TMEM266: variants seen among roughly 807,000 people sequenced by gnomAD.
The protein encoded by TMEM266 is Hv1 related protein 1.
Under a neutral mutation model 50.5 loss-of-function variants are expected in TMEM266, and 33 were observed. The ratio of observed to expected loss-of-function variants is 0.65; its 90% CI spans 0.50 to 0.87. The LOEUF (loss-of-function observed/expected upper bound fraction) is 0.87, where lower values mean the gene tolerates loss of function less well. Ranked by LOEUF, TMEM266 falls within the 40% of genes least tolerant of loss-of-function variation. The pLI is 0.00. For missense variants in TMEM266, 655 were observed against 695.1 expected (o/e 0.94, Z 0.65); for synonymous variants, 310 against 292.3 (o/e 1.06, Z -0.62).
intron 2 of TMEM266, among the ~76,000 whole-genome samples, 174 bp from the exon 3 acceptor site, chr15:76,137,533 G>A (rs569425236): frequency 1.3e-5 from 2 of 152,308 alleles, no homozygotes; most frequent in Non-Finnish European, 2.9e-5. Flanking sequence ...GGGACTGTTA[G>A]GGCCTCAGTC....
intron 1 of TMEM266, among the ~76,000 whole-genome samples, chr15:76,085,277 A>AT (rs1437152255): frequency 6.9e-6 from 1 of 144,098 alleles, no homozygotes; most frequent in Non-Finnish European, 1.5e-5. Context: ...TTTTTTTTTG[A>AT]GACGGAGTCT....
chr15:76,195,618 G>A (rs991372183), intron 9 of TMEM266, among the ~76,000 whole-genome samples: 1 of 152,236 alleles, frequency 6.6e-6, no homozygotes, highest in Non-Finnish European at 1.5e-5. Context: ...TCTGCCCACA[G>A]CCCATCTTGA....
chr15:76,111,357 T>C (rs979669101), intron 1 of TMEM266, among the ~76,000 whole-genome samples: 2 of 151,948 alleles, frequency 1.3e-5, no homozygotes, highest in African/African-American at 4.8e-5. Context: ...ATTACAGGCA[T>C]GAGCCACTGT....
intron 1 of TMEM266, among the ~76,000 whole-genome samples, chr15:76,066,613 T>C (rs2036425224): frequency 6.7e-6 from 1 of 148,816 alleles, no homozygotes; most frequent in Non-Finnish European, 1.5e-5. Flanking sequence ...TGAAGTTGGA[T>C]GAAAATCAAA....
Position 76,139,682 on chromosome 15 carries a change from C to A in TMEM266, c.227+1787C>A. ...GTCACTGCTCTCTGGTGGTCAAAAGCAGTAGTGCAGCCTTCTAACATGCCC... is the reference window on the plus strand; with the variant it reads ...GTCACTGCTCTCTGGTGGTCAAAAGAAGTAGTGCAGCCTTCTAACATGCCC... On this transcript the variant is annotated intron_variant, in intron 3 of 10. Coordinates refer to ENST00000388942, the MANE Select transcript of TMEM266 (RefSeq NM_152335.3). The surrounding 1 kb of genome is among the most constrained non-coding windows in gnomAD (Gnocchi z 4.1). 6.6e-6 allele frequency among the ~76,000 whole-genome samples: 1 copy of A among 152,256 alleles called. No homozygotes were observed. Among genetic ancestry groups the A allele is most frequent in the Non-Finnish European group, 1.5e-5 (1 of 68,044 alleles).
At chr15:76,123,037 A>G (rs919086763) in intron 1 of TMEM266, among the ~76,000 whole-genome samples, 2 of 151,676 alleles carry the variant, frequency 1.3e-5, no homozygotes, top group African/African-American at 4.9e-5. Context: ...GACAGACTAC[A>G]TCACTAAGTA....
At chr15:76,080,496 G>A (rs142718655) in intron 1 of TMEM266, among the ~76,000 whole-genome samples, 40,417 of 150,798 alleles carry the variant, frequency 0.27, 5,753 homozygotes, top group Non-Finnish European at 0.31. Context: ...TGATCCGCCC[G>A]CCTTAGCCTC....
At chr15:76,140,570 C>G (rs897050590) in intron 3 of TMEM266, among the ~76,000 whole-genome samples, 1 of 152,168 alleles carries the variant, frequency 6.6e-6, no homozygotes, top group Non-Finnish European at 1.5e-5. Flanking sequence ...TGCTCCGTGG[C>G]CCCGCTGCCC....
At chr15:76,141,906 A>G (rs772903292) in intron 3 of TMEM266, among the ~76,000 whole-genome samples, 3 of 152,340 alleles carry the variant, frequency 2.0e-5, no homozygotes, top group African/African-American at 7.2e-5. Flanking sequence ...ATGTTGTAGC[A>G]TGTGTCAGAA....
At chr15:76,105,837 A>T (rs2037071643) in intron 1 of TMEM266, among the ~76,000 whole-genome samples, 1 of 152,214 alleles carries the variant, frequency 6.6e-6, no homozygotes, top group Non-Finnish European at 1.5e-5. Flanking sequence ...GCCTGCCAAG[A>T]TATGTACATT....
intron 1 of TMEM266, among the ~76,000 whole-genome samples, chr15:76,124,253 G>A (rs1045928030): frequency 6.6e-6 from 1 of 152,206 alleles, no homozygotes; most frequent in African/African-American, 2.4e-5. Context: ...GCAAGCTGGA[G>A]CTGTAGCAGC....
At chr15:76,183,275 C>T (rs1460376941) in intron 8 of TMEM266, among the ~76,000 whole-genome samples, 3 of 151,776 alleles carry the variant, frequency 2.0e-5, no homozygotes, top group Non-Finnish European at 2.9e-5. Context: ...GTCACCACCC[C>T]TGGCTAATTT....
At chr15:76,173,962 C>T (rs62030169) in intron 7 of TMEM266, among the ~76,000 whole-genome samples, 8 of 150,772 alleles carry the variant, frequency 5.3e-5, no homozygotes, top group African/African-American at 2.0e-4. Flanking sequence ...AAAAAGAGGT[C>T]TGTGGGAAGG....
Position 76,160,613 on chromosome 15 carries a change from C to T in TMEM266, c.456+445C>T, listed in dbSNP as rs558774629. Reference sequence around the variant, plus strand: ...TGGCCGGACCTTTGGGGCTGAAGCACGCAGTGGGTGGGGGAACGGGGTCAC... The same window carrying T: ...TGGCCGGACCTTTGGGGCTGAAGCATGCAGTGGGTGGGGGAACGGGGTCAC... On this transcript the variant is annotated intron_variant, in intron 5 of 10. Coordinates refer to ENST00000388942, the MANE Select transcript of TMEM266 (RefSeq NM_152335.3). The surrounding 1 kb of genome is among the most constrained non-coding windows in gnomAD (Gnocchi z 5.7). 8.5e-5 allele frequency among the ~76,000 whole-genome samples: 13 copies of T among 152,234 alleles called. No homozygotes were observed. The highest frequency in any genetic ancestry group is 1.9e-4 in the East Asian group (1 of 5,168).
At chr15:76,065,901 A>G (rs566812274) in intron 1 of TMEM266, among the ~76,000 whole-genome samples, 5 of 151,886 alleles carry the variant, frequency 3.3e-5, no homozygotes, top group African/African-American at 9.7e-5. Context: ...TCCCCACTCA[A>G]CCACCCTCAC....
chr15:76,167,467 C>CAA (rs552656577), intron 5 of TMEM266, among the ~76,000 whole-genome samples: 199 of 101,226 alleles, frequency 2.0e-3, no homozygotes, highest in African/African-American at 5.4e-3. Flanking sequence ...GAGACTGTTT[C>CAA]AAAAAAAAAA....
chr15:76,165,131 C>T (rs1008125202), intron 5 of TMEM266, among the ~76,000 whole-genome samples: 2 of 152,364 alleles, frequency 1.3e-5, no homozygotes, highest in African/African-American at 2.4e-5. Flanking sequence ...GAGGCAGGGC[C>T]TGGACCAGGT....
chr15:76,175,480 C>T, intron 7 of TMEM266, 79 bp from the exon 8 acceptor site: 1 of 1,115,196 alleles, frequency 9.0e-7, no homozygotes, highest in Non-Finnish European at 1.3e-6. Context: ...CCTGCTGCTG[C>T]CTGAATGCTG....
At chr15:76,082,285 A>G (rs1476660451) in intron 1 of TMEM266, among the ~76,000 whole-genome samples, 4 of 152,206 alleles carry the variant, frequency 2.6e-5, no homozygotes, top group Non-Finnish European at 5.9e-5. Flanking sequence ...GAGACTGGAT[A>G]GTCTATAAAG....
Sources: allele counts gnomAD v4.1 joint callset (sites outside exome capture counted in the v4.1 genomes callset), GRCh38; gene constraint gnomAD v4.1.1; non-coding constraint Gnocchi (gnomAD v3.1); transcripts MANE v1.5; gene names NCBI Gene and HGNC (gene_info 2026-07-23, HGNC 2026-07-21).